IL1RAP: variants seen among roughly 807,000 people sequenced by gnomAD.
IL1RAP encodes interleukin-1 receptor accessory protein.
IL1RAP carries 35 observed loss-of-function variants against 60.7 expected under a neutral mutation model. The ratio of observed to expected loss-of-function variants is 0.58; its 90% CI spans 0.44 to 0.76. The LOEUF (loss-of-function observed/expected upper bound fraction) is 0.76, where lower values mean the gene tolerates loss of function less well. Ranked by LOEUF, IL1RAP falls within the 30% of genes least tolerant of loss-of-function variation. The probability of loss-of-function intolerance (pLI) is 0.00; values close to 1 mark genes in which losing one functional copy is unlikely to be tolerated. For missense variants in IL1RAP, 572 were observed against 693.9 expected, an observed-to-expected ratio of 0.82 and a Z score of 1.97; for synonymous variants, 268 against 250.9, an observed-to-expected ratio of 1.07 and a Z score of -0.64.
intron 1 of IL1RAP, among the ~76,000 whole-genome samples, chr3:190,542,333 A>G (rs1290381668): frequency 6.6e-6 from 1 of 152,168 alleles, no homozygotes; most frequent in Non-Finnish European, 1.5e-5. Context: ...AAGCTTTGCT[A>G]TTTGATTGTC....
intron 5 of IL1RAP, among the ~76,000 whole-genome samples, chr3:190,610,439 G>C (rs1362680678): frequency 6.6e-6 from 1 of 151,528 alleles, no homozygotes; most frequent in Non-Finnish European, 1.5e-5. Context: ...TAATCTAAGA[G>C]GAAGATCACA....
chr3:190,597,611 C>A (rs1729493427), intron 3 of IL1RAP, among the ~76,000 whole-genome samples: 1 of 152,098 alleles, frequency 6.6e-6, no homozygotes. Flanking sequence ...TTTCACTGGC[C>A]AGAGGAAATT....
intron 3 of IL1RAP, among the ~76,000 whole-genome samples, chr3:190,590,312 G>C (rs529402957): frequency 1.3e-5 from 2 of 151,434 alleles, no homozygotes; most frequent in Admixed American, 1.3e-4. Flanking sequence ...CTGGAGCGCA[G>C]TGGCACCATC....
intron 1 of IL1RAP, among the ~76,000 whole-genome samples, chr3:190,521,670 G>C (rs886767381): frequency 1.3e-5 from 2 of 151,964 alleles, no homozygotes; most frequent in African/African-American, 4.8e-5. Context: ...CGGAGAGTCA[G>C]ATCCATAAAG....
At position 190,644,876 on chromosome 3, in the gene IL1RAP, G is replaced by C. The variant is rs571513293; in HGVS notation, c.1201+479G>C. 1.3e-3 allele frequency among the ~76,000 whole-genome samples: 200 copies of C among 152,288 alleles called. 1 individual carries two copies. The highest frequency in any genetic ancestry group is 2.6e-3 in the Non-Finnish European group (175 of 68,034). On this transcript the variant is annotated intron_variant, in intron 10 of 11. Coordinates refer to ENST00000447382, the MANE Select transcript of IL1RAP (RefSeq NM_002182.4). ...AATTCAAACCAGCCACATTTCGAGT[G>C]AGCAATAGACTCGTGACTCGTGGCT... is the stretch of plus-strand genomic sequence containing the variant.
intron 1 of IL1RAP, among the ~76,000 whole-genome samples, chr3:190,543,622 T>C (rs1724127312): frequency 1.3e-5 from 2 of 152,114 alleles, no homozygotes. Context: ...GGACAGGTGG[T>C]ATGTGTACAC....
At chr3:190,637,284 A>C (rs180940930) in intron 9 of IL1RAP, among the ~76,000 whole-genome samples, 28 of 152,294 alleles carry the variant, frequency 1.8e-4, no homozygotes, top group Admixed American at 1.8e-3. Flanking sequence ...TTTCTGGTAC[A>C]TCTGCTGGTG....
intron 9 of IL1RAP, chr3:190,629,975 C>G (rs1302270955): frequency 2.3e-6 from 2 of 877,030 alleles, no homozygotes; most frequent in African/African-American, 1.8e-5. Context: ...GAATTATATA[C>G]CTTTTAATAT....
chr3:190,641,825 G>A (rs73062281), intron 9 of IL1RAP, among the ~76,000 whole-genome samples: 2,569 of 152,202 alleles, frequency 0.017, 76 homozygotes, highest in African/African-American at 0.059. Context: ...TTAACATAAC[G>A]TACTCAGAAA....
intron 1 of IL1RAP, among the ~76,000 whole-genome samples, chr3:190,527,462 T>C (rs1395837637): frequency 6.6e-6 from 1 of 152,198 alleles, no homozygotes; most frequent in Non-Finnish European, 1.5e-5. Flanking sequence ...AAAGCAAATT[T>C]TGCAGCGTTG....
chr3:190,621,003 A>G (rs1355545954), intron 6 of IL1RAP, among the ~76,000 whole-genome samples: 1 of 152,214 alleles, frequency 6.6e-6, no homozygotes, highest in African/African-American at 2.4e-5. Flanking sequence ...GTGAGAAACT[A>G]GGAAAGTGGG....
In IL1RAP at chr3:190,629,318, A is replaced by C. The variant is rs749727569; in HGVS notation, c.903-32A>C. 9 of 1,511,956 alleles carry C rather than the reference A, an allele frequency of 6.0e-6. No individual in the cohort carries two copies. In the Admixed American group the frequency reaches 1.5e-4, roughly 25 times the overall value. 93.7% of individuals were successfully genotyped at this position (1,511,956 alleles called of 1,614,324 possible). On this transcript the variant is annotated intron_variant, in intron 8 of 11. Transcript: ENST00000447382. ...AGTCCATAGCTCTTGAGTCACTCTC[A>C]AATGCTTTGATTTTCTTCTCTCTAT...
Position 190,520,206 on chromosome 3 carries a change from G to T in IL1RAP, c.-89+5987G>T, listed in dbSNP as rs114171039. On this transcript the variant is annotated intron_variant, in intron 1 of 11. Transcript: ENST00000447382. ...ATCTGCTGAGGATATGGTTTATTCT[G>T]CCCTGTGCCTAGCACAGTGACTCAT... Among the ~76,000 whole-genome samples, 1,181 of 152,254 alleles carry T rather than the reference G, an allele frequency of 7.8e-3. 12 individuals are homozygous for T. The highest frequency in any genetic ancestry group is 0.027 in the African/African-American group (1,120 of 41,554).
At chr3:190,625,873 G>T (rs1353020734) in intron 7 of IL1RAP, among the ~76,000 whole-genome samples, 1 of 152,186 alleles carries the variant, frequency 6.6e-6, no homozygotes, top group East Asian at 1.9e-4. Context: ...GTCAAACTAT[G>T]CTGACAGAAG....
In IL1RAP at chr3:190,570,926, T is replaced by C. The variant is rs115964789; in HGVS notation, c.64+6573T>C. 2.4e-3 allele frequency among the ~76,000 whole-genome samples: 361 copies of C among 152,298 alleles called. 2 individuals carry two copies. Among genetic ancestry groups the C allele is most frequent in the African/African-American group, 8.5e-3 (352 of 41,562 alleles). ...ATATGTGCACCAAGATACTGGTGTT[T>C]GCGTTTCCCCCTTCCCTTATGTAAG... is the stretch of plus-strand genomic sequence containing the variant. On this transcript the variant is annotated intron_variant, in intron 3 of 11. Coordinates refer to ENST00000447382, the MANE Select transcript of IL1RAP (RefSeq NM_002182.4).
chr3:190,622,961 A>G (rs573381184), intron 6 of IL1RAP, among the ~76,000 whole-genome samples: 1 of 152,324 alleles, frequency 6.6e-6, no homozygotes, highest in Non-Finnish European at 1.5e-5. Flanking sequence ...CTAGCCACCA[A>G]TCATTTCATT....
At chr3:190,547,349 C>A (rs1195089509) in intron 1 of IL1RAP, among the ~76,000 whole-genome samples, 1 of 152,180 alleles carries the variant, frequency 6.6e-6, no homozygotes, top group Non-Finnish European at 1.5e-5. Context: ...GACTATGGGA[C>A]TGGTGGGTGC....
Position 190,562,586 on chromosome 3 carries a change from A to G in IL1RAP, c.-1-1703A>G, listed in dbSNP as rs545227532. ...TGCCCATGAGAGGCTTCGTAGCTGT[A>G]TCATAGCAACTTGGAAACTCAAAGG... On this transcript the variant is annotated intron_variant, in intron 2 of 11. Coordinates refer to ENST00000447382, the MANE Select transcript of IL1RAP (RefSeq NM_002182.4). Among the ~76,000 whole-genome samples the G allele has an allele frequency of 2.0e-5, 3 of 152,134 alleles. No homozygotes were observed. The South Asian group carries it at 6.2e-4, about 32-fold the overall frequency.
At chr3:190,645,226 A>G (rs904055086) in intron 10 of IL1RAP, among the ~76,000 whole-genome samples, 11 of 152,264 alleles carry the variant, frequency 7.2e-5, no homozygotes, top group Admixed American at 5.2e-4. Context: ...TGATTTTTCT[A>G]ATTAAGCAAC....
Sources: allele counts gnomAD v4.1 joint callset (sites outside exome capture counted in the v4.1 genomes callset), GRCh38; gene constraint gnomAD v4.1.1; transcripts MANE v1.5; gene names NCBI Gene and HGNC (gene_info 2026-07-23, HGNC 2026-07-21).